The following CDYL2 variants were observed in gnomAD, a reference collection of about 807,000 sequenced individuals.
CDYL2 encodes chromodomain Y like 2.
CDYL2 carries 23 observed loss-of-function variants against 49.4 expected under a neutral mutation model. The observed-to-expected ratio is 0.47, with a 90% CI of 0.34 to 0.66. The LOEUF (loss-of-function observed/expected upper bound fraction) is 0.66, where lower values mean the gene tolerates loss of function less well. Among genes scored for constraint, CDYL2 ranks in the 30% least tolerant of loss-of-function variants. The probability of loss-of-function intolerance (pLI) is 0.01; values close to 1 mark genes in which losing one functional copy is unlikely to be tolerated. For synonymous variants in CDYL2, 360 were observed against 268.8 expected, an observed-to-expected ratio of 1.34 and a Z score of -3.32; for missense variants, 678 against 656.4, an observed-to-expected ratio of 1.03 and a Z score of -0.36.
intron 2 of CDYL2, among the ~76,000 whole-genome samples, chr16:80,678,725 C>G (rs1009754787): frequency 1.9e-4 from 28 of 150,550 alleles, no homozygotes; most frequent in Admixed American, 1.6e-3. Context: ...GGATCTAGAA[C>G]TAGAAATACC....
chr16:80,612,175 G>A lies in CDYL2; in HGVS notation c.1218+451C>T, dbSNP rs1262800207. 1.3e-5 allele frequency among the ~76,000 whole-genome samples: 2 copies of A among 152,212 alleles called. No homozygotes were observed. Among genetic ancestry groups the A allele is most frequent in the Non-Finnish European group, 2.9e-5 (2 of 68,036 alleles). On this transcript the variant is annotated intron_variant, in intron 5 of 6. Coordinates refer to ENST00000570137, the MANE Select transcript of CDYL2 (RefSeq NM_152342.4). The surrounding 1 kb of genome is among the most constrained non-coding windows in gnomAD (Gnocchi z 5.0). ...CCTGGCCCATGAAGCCCTCCAGGGT[G>A]ATGCTTCTGGCTCTCTCTTCTCTCC...
chr16:80,700,508 G>A (rs923444598), intron 1 of CDYL2, among the ~76,000 whole-genome samples: 1 of 152,250 alleles, frequency 6.6e-6, no homozygotes, highest in Admixed American at 6.5e-5. Flanking sequence ...CAAAGAAGCA[G>A]AATAAGAAAT....
intron 1 of CDYL2, among the ~76,000 whole-genome samples, chr16:80,730,780 A>G (rs563513712): frequency 9.6e-4 from 146 of 152,368 alleles, no homozygotes; most frequent in Middle Eastern, 3.4e-3. Flanking sequence ...GATATAAAAA[A>G]GAATGAATTA....
intron 1 of CDYL2, among the ~76,000 whole-genome samples, chr16:80,730,214 TAAAG>T (rs1379109379): frequency 2.0e-5 from 3 of 149,646 alleles, no homozygotes; most frequent in African/African-American, 7.4e-5. Context: ...GCAAGACTAA[TAAAG>T]AAAAAAAGAG....
intron 1 of CDYL2, among the ~76,000 whole-genome samples, chr16:80,686,603 T>C (rs1432126605): frequency 6.6e-6 from 1 of 152,210 alleles, no homozygotes; most frequent in Non-Finnish European, 1.5e-5. Context: ...GGGTAATTTA[T>C]ATGGATGTTT....
At chr16:80,769,483 T>C (rs1232692451) in intron 1 of CDYL2, among the ~76,000 whole-genome samples, 1 of 152,196 alleles carries the variant, frequency 6.6e-6, no homozygotes, top group Non-Finnish European at 1.5e-5. Flanking sequence ...AGTTACTCTA[T>C]TGCTAGCTGC....
At position 80,653,346 on chromosome 16, in the gene CDYL2, T is replaced by C. The variant is rs113688870; in HGVS notation, c.617-20110A>G. Among the ~76,000 whole-genome samples the C allele has an allele frequency of 1.2e-4, 18 of 152,222 alleles. 3 individuals are homozygous for C. The highest frequency in any genetic ancestry group is 3.9e-4 in the African/African-American group (16 of 41,518). ...CGGGCATGGTGGTGCATGCCTGTAA[T>C]CCCAGCTACTTGGAAGTCTGAGGCA... is the stretch of plus-strand genomic sequence containing the variant. On this transcript the variant is annotated intron_variant, in intron 2 of 6. Coordinates refer to ENST00000570137, the MANE Select transcript of CDYL2 (RefSeq NM_152342.4).
chr16:80,730,276 A>T (rs1453716592), intron 1 of CDYL2, among the ~76,000 whole-genome samples: 4 of 152,224 alleles, frequency 2.6e-5, no homozygotes, highest in African/African-American at 9.6e-5. Flanking sequence ...GGATATCACC[A>T]CCGATCCCAC....
intron 6 of CDYL2, among the ~76,000 whole-genome samples, chr16:80,607,539 C>T (rs1282907416): frequency 1.3e-5 from 2 of 152,220 alleles, no homozygotes; most frequent in African/African-American, 4.8e-5. Flanking sequence ...TCCCCTGCCG[C>T]GCTCTGAGTG....
At chr16:80,623,206 CA>C (rs1309495191) in intron 3 of CDYL2, among the ~76,000 whole-genome samples, 2 of 152,028 alleles carry the variant, frequency 1.3e-5, no homozygotes, top group African/African-American at 4.8e-5. Flanking sequence ...CGACGTATGA[CA>C]GGGGGTTCCA....
intron 2 of CDYL2, among the ~76,000 whole-genome samples, chr16:80,650,918 A>G (rs1221058485): frequency 7.0e-6 from 1 of 143,032 alleles, no homozygotes; most frequent in Non-Finnish European, 1.5e-5. Flanking sequence ...CTAAAAACCA[A>G]AACAATTGAG....
At chr16:80,741,792 G>A (rs1204413560) in intron 1 of CDYL2, among the ~76,000 whole-genome samples, 1 of 152,116 alleles carries the variant, frequency 6.6e-6, no homozygotes, top group Non-Finnish European at 1.5e-5. Context: ...ATTGGCAGAT[G>A]TTCAGGTAAA....
At chr16:80,795,530 C>G (rs1390767583) in intron 1 of CDYL2, among the ~76,000 whole-genome samples, 1 of 152,152 alleles carries the variant, frequency 6.6e-6, no homozygotes, top group Non-Finnish European at 1.5e-5. Context: ...CTAAGGCTAA[C>G]TGCACAACAC....
intron 1 of CDYL2, among the ~76,000 whole-genome samples, chr16:80,749,139 T>C (rs576470245): frequency 5.2e-4 from 79 of 152,132 alleles, no homozygotes; most frequent in African/African-American, 1.9e-3. Context: ...TGGGAGATTG[T>C]TGTGTGTGTG....
chr16:80,625,954 G>C (rs1907279133), intron 3 of CDYL2, among the ~76,000 whole-genome samples: 1 of 152,004 alleles, frequency 6.6e-6, no homozygotes, highest in Non-Finnish European at 1.5e-5. Context: ...TGTACTTCAA[G>C]AAAAAGAAAC....
At chr16:80,719,644 C>G (rs537917178) in intron 1 of CDYL2, among the ~76,000 whole-genome samples, 15 of 152,290 alleles carry the variant, frequency 9.8e-5, no homozygotes, top group African/African-American at 2.6e-4. Context: ...TTGGGTTGCC[C>G]AGGAGAAAAC....
rs1415082573 is a variant in CDYL2 at position 80,676,450 on chromosome 16, G to T, written c.616+8088C>A. Among the ~76,000 whole-genome samples, 4 of 152,138 alleles carry T rather than the reference G, an allele frequency of 2.6e-5. No individual in the cohort carries two copies. In the East Asian group the frequency reaches 7.7e-4, roughly 29 times the overall value. ...GAACACCCTTCCTGACCTCTCAGTG[G>T]TTCACCAGATAGTGTGGGGCCACTG... On this transcript the variant is annotated intron_variant, in intron 2 of 6. Transcript: ENST00000570137.
At chr16:80,733,319 C>A (rs925632469) in intron 1 of CDYL2, among the ~76,000 whole-genome samples, 22 of 152,182 alleles carry the variant, frequency 1.4e-4, no homozygotes, top group African/African-American at 4.6e-4. Context: ...GGGGAGCGGT[C>A]AGGGATGGAA....
chr16:80,761,565 A>C (rs1457370611), intron 1 of CDYL2, among the ~76,000 whole-genome samples: 1 of 152,130 alleles, frequency 6.6e-6, no homozygotes, highest in East Asian at 1.9e-4. Flanking sequence ...TGTAGATCAG[A>C]ATCACCTGCG....
Sources: allele counts gnomAD v4.1 joint callset (sites outside exome capture counted in the v4.1 genomes callset), GRCh38; gene constraint gnomAD v4.1.1; non-coding constraint Gnocchi (gnomAD v3.1); transcripts MANE v1.5; gene names NCBI Gene and HGNC (gene_info 2026-07-23, HGNC 2026-07-21).